Variants in SPX observed in about 807,000 individuals in gnomAD.
SPX encodes the protein spexin hormone.
SPX carries 22 observed loss-of-function variants against 19.2 expected under a neutral mutation model. The observed-to-expected ratio is 1.15, with a 90% CI of 0.82 to 1.64. SPX has a LOEUF of 1.64. SPX is among the 40% of genes most tolerant of loss of function. The probability of loss-of-function intolerance (pLI) is 0.00; values close to 1 mark genes in which losing one functional copy is unlikely to be tolerated. For missense variants in SPX, 143 were observed against 137.7 expected (o/e 1.04, Z -0.19); for synonymous variants, 50 against 53.3 (o/e 0.94, Z 0.27).
intron 2 of SPX, 64 bp from the exon 3 acceptor site, chr12:21,527,071 T>C (rs1215957516): frequency 1.9e-6 from 3 of 1,585,468 alleles, no homozygotes; most frequent in Non-Finnish European, 2.6e-6. Flanking sequence ...TCCTTTATTT[T>C]GCTGTAATAG....
chr12:21,529,331 G>A (rs1224353707), intron 5 of SPX, among the ~76,000 whole-genome samples: 3 of 152,098 alleles, frequency 2.0e-5, no homozygotes, highest in Non-Finnish European at 4.4e-5. Context: ...GAAATCATGA[G>A]AATGGAGATA....
At chr12:21,527,812 G>A in intron 4 of SPX, 23 bp downstream of exon 4, 1 of 1,565,218 alleles carries the variant, frequency 6.4e-7, no homozygotes, top group Non-Finnish European at 8.7e-7. Context: ...GGGTGCAAGG[G>A]CGCTAGTCCT....
intron 1 of SPX, among the ~76,000 whole-genome samples, 191 bp downstream of exon 1, chr12:21,526,669 T>G (rs1943817533): frequency 6.6e-6 from 1 of 152,130 alleles, no homozygotes; most frequent in Non-Finnish European, 1.5e-5. Context: ...TTCATTTGGG[T>G]GAAGTAATAC....
rs1943872304 is a variant in SPX, at chr12:21,532,226, A to G, written c.*1031A>G. The G allele has an allele frequency of 6.6e-6, 1 of 152,240 alleles. No homozygotes were observed. Among genetic ancestry groups the G allele is most frequent in the Non-Finnish European group, 1.5e-5 (1 of 68,036 alleles). 9.4% of individuals were successfully genotyped at this position (152,240 alleles called of 1,614,324 possible). ...ATTTATTTAGAATTATAATATGACC[A>G]TCATGTTAATTATTTTTTACCTAAT... is the stretch of plus-strand genomic sequence containing the variant. On this transcript the variant is annotated 3_prime_UTR_variant, in exon 6 of 6. Transcript: ENST00000256969.
At chr12:21,526,563 G>A (rs1007094559) in intron 1 of SPX, 85 bp downstream of exon 1, 1 of 1,303,756 alleles carries the variant, frequency 7.7e-7, no homozygotes, top group Non-Finnish European at 1.1e-6. Context: ...TGTTTAATAA[G>A]GATTTTAGAG....
rs909427250 is a variant in SPX at position 21,526,818 on chromosome 12, G to A, written c.7-68G>A. ...TAAGGGGGTTTATAATTGTCCAGGC[G>A]TCAAGGAAGGAAGCAGAAGATCCTA... On this transcript the variant is annotated intron_variant, in intron 1 of 5. Coordinates refer to ENST00000256969, the MANE Select transcript of SPX (RefSeq NM_030572.4). The A allele has an allele frequency of 1.3e-5, 19 of 1,437,548 alleles. No individual in the cohort carries two copies. The African/African-American group carries it at 2.7e-4, about 20-fold the overall frequency. 89.0% of individuals were successfully genotyped at this position (1,437,548 alleles called of 1,614,324 possible).
Position 21,531,526 on chromosome 12 carries a change from G to T in SPX, c.*331G>T, listed in dbSNP as rs78145629. The T allele has an allele frequency of 4.4e-5, 7 of 158,102 alleles. No homozygotes were observed. Among genetic ancestry groups the T allele is most frequent in the South Asian group, 2.1e-4 (1 of 4,858 alleles). The allele number at this position is 158,102 out of a possible 1,614,324, so 9.8% of individuals were successfully genotyped here. ...CAGTACCTGTCTTGATCTTAGTTGT[G>T]TTTTTTTTTCATTTTGTTACCCACT... On this transcript the variant is annotated 3_prime_UTR_variant, in exon 6 of 6. Transcript: ENST00000256969.
intron 1 of SPX, 84 bp downstream of exon 1, chr12:21,526,562 A>C (rs189421674): frequency 2.3e-6 from 3 of 1,303,340 alleles, no homozygotes; most frequent in Non-Finnish European, 3.2e-6. Flanking sequence ...ATGTTTAATA[A>C]GGATTTTAGA....
intron 5 of SPX, among the ~76,000 whole-genome samples, chr12:21,529,496 T>A (rs1943843919): frequency 6.6e-6 from 1 of 152,072 alleles, no homozygotes; most frequent in Admixed American, 6.6e-5. Flanking sequence ...CCAGAATTCA[T>A]TCAGTAGCTG....
rs1287869734 is a variant in SPX, at chr12:21,532,080, A to AAGTGATAACATAAGAAGAG, written c.*886_*887insGTGATAACATAAGAAGAGA. The AAGTGATAACATAAGAAGAG allele has an allele frequency of 6.6e-6, 1 of 152,244 alleles. No individual in the cohort carries two copies. The highest frequency in any genetic ancestry group is 1.5e-5 in the Non-Finnish European group (1 of 68,050). 9.4% of individuals were successfully genotyped at this position (152,244 alleles called of 1,614,324 possible). On this transcript the variant is annotated 3_prime_UTR_variant, in exon 6 of 6. Transcript: ENST00000256969. ...CACTCTGATAACATAAGTGCACAGT[A>AAGTGATAACATAAGAAGAG]ATATGCCTGATCTCTTCCTTTTTAA...
intron 4 of SPX, 122 bp from the exon 5 acceptor site, chr12:21,528,879 T>C: frequency 1.2e-6 from 1 of 843,676 alleles, no homozygotes; most frequent in Non-Finnish European, 1.9e-6. Context: ...AAGTAGTCCT[T>C]TGTTGAGGGG....
intron 5 of SPX, among the ~76,000 whole-genome samples, chr12:21,529,758 C>G (rs1364221296): frequency 1.3e-5 from 2 of 152,216 alleles, no homozygotes; most frequent in African/African-American, 2.4e-5. Context: ...CTCTGGAGAG[C>G]TGGCATGACT....
chr12:21,528,485 CCAAA>C (rs1943835731), intron 4 of SPX, among the ~76,000 whole-genome samples: 1 of 152,114 alleles, frequency 6.6e-6, no homozygotes, highest in South Asian at 2.1e-4. Flanking sequence ...TGGAAAAATA[CCAAA>C]CACTGTTGAA....
rs56157528 is a variant in SPX, at chr12:21,531,526, G to GTTTTT, written c.*336_*340dup. ...CAGTACCTGTCTTGATCTTAGTTGT[G>GTTTTT]TTTTTTTTTCATTTTGTTACCCACT... On this transcript the variant is annotated 3_prime_UTR_variant, in exon 6 of 6. Coordinates refer to ENST00000256969, the MANE Select transcript of SPX (RefSeq NM_030572.4). 1.9e-4 allele frequency: 30 copies of GTTTTT among 158,180 alleles called. No individual in the cohort carries two copies. In the East Asian group the frequency reaches 2.6e-3, roughly 14 times the overall value. 9.8% of individuals were successfully genotyped at this position (158,180 alleles called of 1,614,324 possible).
chr12:21,532,654 A>G lies in SPX; in HGVS notation c.*1459A>G, dbSNP rs1244184927. The stretch of plus-strand genomic sequence containing the variant: ...TTTATACAGTCCTAACCACTTCACC[A>G]TTAGGAGGGGTGGGACATTAAAAAT... On this transcript the variant is annotated 3_prime_UTR_variant, in exon 6 of 6. Transcript: ENST00000256969. 6.6e-6 allele frequency: 1 copy of G among 152,210 alleles called. No individual in the cohort carries two copies. Among genetic ancestry groups the G allele is most frequent in the Non-Finnish European group, 1.5e-5 (1 of 68,030 alleles). 9.4% of individuals were successfully genotyped at this position (152,210 alleles called of 1,614,324 possible). A position where few individuals can be genotyped will look rare whatever the true frequency, so the allele number is the denominator to read the frequency against.
chr12:21,531,040 G>A (rs1943860553), intron 5 of SPX, 97 bp from the exon 6 acceptor site: 1 of 774,226 alleles, frequency 1.3e-6, no homozygotes, highest in South Asian at 1.7e-5. Context: ...AGCTTAGAAG[G>A]CTAAATGTTT....
In SPX at chr12:21,531,159, A is replaced by C. The variant is rs1284458375; in HGVS notation, c.315A>C (p.Gln105His). 8.8e-6 allele frequency: 14 copies of C among 1,595,738 alleles called. No individual in the cohort carries two copies. The highest frequency in any genetic ancestry group is 1.2e-5 in the Non-Finnish European group (14 of 1,168,942). ...SPEDEEKNFD[Q>H]TRFLEDSLLN... ...CAGATGAAGAAAAAAACTTTGATCA[A>C]ACCAGATTCCTGGAAGACAGTCTGC... The change falls in exon 6 of 6, where the codon CAA becomes CAC. Residue 105 changes from glutamine (Q) to histidine (H), a missense_variant. By Grantham distance (24) the Gln-to-His change is conservative. Transcript: ENST00000256969.
intron 4 of SPX, among the ~76,000 whole-genome samples, chr12:21,528,416 C>A (rs540170912): frequency 6.6e-6 from 1 of 152,112 alleles, no homozygotes; most frequent in East Asian, 1.9e-4. Flanking sequence ...TAACAAATAA[C>A]AATACAATTT....
rs1421575104 is a variant in SPX at position 21,531,420 on chromosome 12, T to C, written c.*225T>C. On this transcript the variant is annotated 3_prime_UTR_variant, in exon 6 of 6. Coordinates refer to ENST00000256969, the MANE Select transcript of SPX (RefSeq NM_030572.4). Reference sequence around the variant, plus strand: ...TGACCAAAAATGTTTTCAGATCACCTTGTGTCTTACTCTTGAGTTTCTTAG... The same window carrying C: ...TGACCAAAAATGTTTTCAGATCACCCTGTGTCTTACTCTTGAGTTTCTTAG... The C allele has an allele frequency of 1.1e-5, 4 of 376,152 alleles. No individual in the cohort carries two copies. The highest frequency in any genetic ancestry group is 1.9e-5 in the Non-Finnish European group (4 of 212,190). 23.3% of individuals were successfully genotyped at this position (376,152 alleles called of 1,614,324 possible). A position where few individuals can be genotyped will look rare whatever the true frequency, so the allele number is the denominator to read the frequency against.
Sources: allele counts gnomAD v4.1 joint callset (sites outside exome capture counted in the v4.1 genomes callset), GRCh38; gene constraint gnomAD v4.1.1; transcripts MANE v1.5; gene names NCBI Gene and HGNC (gene_info 2026-07-23, HGNC 2026-07-21).